The following STRN3 variants were observed in gnomAD, a reference collection of about 807,000 sequenced individuals.
STRN3 encodes the protein striatin 3.
Under a neutral mutation model 95.6 loss-of-function variants are expected in STRN3, and 29 were observed. That is an observed-to-expected ratio of 0.30 (90% CI 0.23 to 0.41). STRN3 has a LOEUF of 0.41. Ranked by LOEUF, STRN3 falls within the 10% of genes least tolerant of loss-of-function variation. STRN3 has a pLI of 1.00. For synonymous variants in STRN3, 331 were observed against 357.6 expected (o/e 0.93, Z 0.84); for missense variants, 890 against 972.1 (o/e 0.92, Z 1.12).
chr14:30,965,087 T>C (rs1880417845), intron 1 of STRN3, among the ~76,000 whole-genome samples: 1 of 152,170 alleles, frequency 6.6e-6, no homozygotes, highest in African/African-American at 2.4e-5. Flanking sequence ...TTTTGAGTAT[T>C]GACTTCCTTT....
intron 1 of STRN3, among the ~76,000 whole-genome samples, chr14:31,019,682 G>C (rs1458517375): frequency 6.6e-6 from 1 of 151,898 alleles, no homozygotes; most frequent in Non-Finnish European, 1.5e-5. Context: ...CAGCAGTCAG[G>C]CTTCATGGGC....
At chr14:30,924,405 A>T (rs1896966918) in intron 8 of STRN3, among the ~76,000 whole-genome samples, 1 of 146,468 alleles carries the variant, frequency 6.8e-6, no homozygotes, top group Admixed American at 7.2e-5. Context: ...CTCCTGCCTC[A>T]GCCTCCCCAA....
intron 1 of STRN3, among the ~76,000 whole-genome samples, chr14:30,973,175 C>A (rs1301403204): frequency 6.6e-6 from 1 of 152,130 alleles, no homozygotes; most frequent in Non-Finnish European, 1.5e-5. Context: ...CACCACTGCA[C>A]TCCAGCCTGG....
intron 5 of STRN3, among the ~76,000 whole-genome samples, chr14:30,939,205 A>G (rs76148750): frequency 0.018 from 2,810 of 152,274 alleles, 79 homozygotes; most frequent in African/African-American, 0.063. Flanking sequence ...TTCCCAGAAG[A>G]CTGTCTCTAT....
intron 1 of STRN3, among the ~76,000 whole-genome samples, chr14:30,982,330 CAG>C (rs1171157251): frequency 6.6e-6 from 1 of 152,060 alleles, no homozygotes; most frequent in African/African-American, 2.4e-5. Context: ...TATTTTTAGA[CAG>C]AGTCTCACTC....
intron 1 of STRN3, among the ~76,000 whole-genome samples, chr14:31,010,579 T>C (rs1882925683): frequency 6.6e-6 from 1 of 152,074 alleles, no homozygotes; most frequent in Non-Finnish European, 1.5e-5. Context: ...ATATCTGAAC[T>C]TTTTCAACGT....
At chr14:30,902,688 T>C (rs1385768985) in intron 15 of STRN3, 45 bp from the exon 16 acceptor site, 2 of 1,286,082 alleles carry the variant, frequency 1.6e-6, no homozygotes, top group Admixed American at 2.1e-5. Context: ...AAACCTTTAA[T>C]AAGAAGTTGG....
intron 1 of STRN3, among the ~76,000 whole-genome samples, chr14:31,014,410 C>T (rs1380472793): frequency 6.6e-6 from 1 of 151,860 alleles, no homozygotes; most frequent in Non-Finnish European, 1.5e-5. Flanking sequence ...TTAGTAAAGA[C>T]GGGGTTTCAC....
chr14:30,953,932 G>T lies in STRN3; in HGVS notation c.460+1688C>A, dbSNP rs117311538. On this transcript the variant is annotated intron_variant, in intron 3 of 17. Coordinates refer to ENST00000357479, the MANE Select transcript of STRN3 (RefSeq NM_001083893.2). The stretch of plus-strand genomic sequence containing the variant: ...GAATGAGCCACAGCACCTGGCCTAG[G>T]TATGTTATATCCTCTTTAATAATAG... Among the ~76,000 whole-genome samples the T allele has an allele frequency of 1.8e-3, 276 of 152,196 alleles. 5 individuals are homozygous for T. The East Asian group carries it at 0.032, about 17-fold the overall frequency.
At chr14:30,988,992 T>C (rs574088768) in intron 1 of STRN3, among the ~76,000 whole-genome samples, 3 of 152,186 alleles carry the variant, frequency 2.0e-5, no homozygotes, top group Non-Finnish European at 4.4e-5. Context: ...GCTAGTAAGA[T>C]AGAAGAATCA....
chr14:30,937,359 A>T (rs1878873464), intron 5 of STRN3, among the ~76,000 whole-genome samples: 1 of 152,272 alleles, frequency 6.6e-6, no homozygotes, highest in African/African-American at 2.4e-5. Flanking sequence ...AGCAGCCCAG[A>T]TTTATAGTAA....
chr14:30,923,400 T>C (rs7153028), intron 8 of STRN3, among the ~76,000 whole-genome samples: 29,274 of 152,102 alleles, frequency 0.19, 3,198 homozygotes, highest in Middle Eastern at 0.27. Context: ...GTTACAAGAC[T>C]TCCCCCTTTT....
At chr14:30,979,911 A>G (rs907306831) in intron 1 of STRN3, among the ~76,000 whole-genome samples, 2 of 151,744 alleles carry the variant, frequency 1.3e-5, no homozygotes, top group African/African-American at 2.4e-5. Flanking sequence ...GACATTTTAT[A>G]TATCATCTGA....
chr14:30,998,274 A>G (rs1882294732), intron 1 of STRN3, among the ~76,000 whole-genome samples: 1 of 152,238 alleles, frequency 6.6e-6, no homozygotes, highest in Non-Finnish European at 1.5e-5. Flanking sequence ...GTCAAAAACA[A>G]TCAGAAACAA....
chr14:31,022,908 T>C (rs929760278), intron 1 of STRN3, among the ~76,000 whole-genome samples: 1 of 152,234 alleles, frequency 6.6e-6, no homozygotes, highest in Non-Finnish European at 1.5e-5. Context: ...TAGATGTTGC[T>C]GCTTAAAGAT....
intron 1 of STRN3, among the ~76,000 whole-genome samples, chr14:31,016,028 C>T (rs994626640): frequency 5.3e-5 from 8 of 152,140 alleles, no homozygotes; most frequent in African/African-American, 7.2e-5. Context: ...TGCATAACTA[C>T]CAAAATGGTT....
intron 7 of STRN3, among the ~76,000 whole-genome samples, chr14:30,934,195 A>T (rs1280097622): frequency 3.3e-5 from 5 of 152,134 alleles, no homozygotes; most frequent in Non-Finnish European, 7.4e-5. Flanking sequence ...GTGGTGGTGC[A>T]CGCCTGTAAT....
rs1211450714 is a variant in STRN3 at position 30,918,946 on chromosome 14, A to T, written c.1240+20T>A. ...AAGGTCTTCTGAAATGTAAATAAAC[A>T]TGGTAGCTAAATTTTGTACCTTCCT... On this transcript the variant is annotated intron_variant, in intron 9 of 17. Transcript: ENST00000357479. 6.5e-7 allele frequency: 1 copy of T among 1,543,380 alleles called. No homozygotes were observed. Among genetic ancestry groups the T allele is most frequent in the African/African-American group, 1.4e-5 (1 of 72,470 alleles).
intron 1 of STRN3, chr14:31,025,690 G>T: frequency 2.8e-6 from 2 of 716,338 alleles, no homozygotes; most frequent in Non-Finnish European, 4.4e-6. Context: ...CCCGCACCGC[G>T]TAGCCAGTGA....
Sources: allele counts gnomAD v4.1 joint callset (sites outside exome capture counted in the v4.1 genomes callset), GRCh38; gene constraint gnomAD v4.1.1; transcripts MANE v1.5; gene names NCBI Gene and HGNC (gene_info 2026-07-23, HGNC 2026-07-21).